FLT1: variants seen among roughly 807,000 people sequenced by gnomAD.
FLT1 encodes fms related receptor tyrosine kinase 1, also known as vascular endothelial growth factor receptor 1.
In FLT1, 49 loss-of-function variants were observed where a neutral mutation model predicts 156.3. The observed-to-expected ratio is 0.31, with a 90% CI of 0.25 to 0.40. The LOEUF is 0.40. Ranked by LOEUF, FLT1 falls within the 10% of genes least tolerant of loss-of-function variation. The pLI, the probability that FLT1 is intolerant of heterozygous loss-of-function variation, is 1.00. For missense variants in FLT1, 1,322 were observed against 1,637.2 expected, an observed-to-expected ratio of 0.81 and a Z score of 3.32; for synonymous variants, 594 against 583.8, an observed-to-expected ratio of 1.02 and a Z score of -0.25.
rs1157026904 is a variant in FLT1, at chr13:28,322,040, C to T, written c.3051+222G>A. On this transcript the variant is annotated intron_variant, in intron 22 of 29. Transcript: ENST00000282397. This position sits in a 1 kb window ranked among gnomAD's most constrained non-coding sequence, Gnocchi z 4.3. ...AGAGCCGATGCCAGGTTTGTCTAGT[C>T]TGAAACCTGTGAGTTTTCCCCAGAA... 6.6e-6 allele frequency among the ~76,000 whole-genome samples: 1 copy of T among 152,352 alleles called. No homozygotes were observed. The highest frequency in any genetic ancestry group is 1.5e-5 in the Non-Finnish European group (1 of 68,036).
At chr13:28,433,780 T>C in intron 6 of FLT1, 39 bp downstream of exon 6, 1 of 1,602,666 alleles carries the variant, frequency 6.2e-7, no homozygotes, top group Non-Finnish European at 8.5e-7. Flanking sequence ...TTGCTTAAAA[T>C]ACTGTCCTGC....
At chr13:28,444,547 C>T (rs2137572853) in intron 3 of FLT1, among the ~76,000 whole-genome samples, 1 of 152,316 alleles carries the variant, frequency 6.6e-6, no homozygotes, top group African/African-American at 2.4e-5. Flanking sequence ...TAGAACACTT[C>T]ACCCATCACA....
chr13:28,422,490 G>A (rs2137530558), intron 10 of FLT1, among the ~76,000 whole-genome samples: 1 of 152,298 alleles, frequency 6.6e-6, no homozygotes, highest in East Asian at 1.9e-4. Context: ...AGTAATCAAA[G>A]GCTGCAGGCA....
At chr13:28,493,527 T>C (rs1424688894) in intron 1 of FLT1, among the ~76,000 whole-genome samples, 1 of 152,226 alleles carries the variant, frequency 6.6e-6, no homozygotes, top group African/African-American at 2.4e-5. Flanking sequence ...TTTTTGTTGT[T>C]GTTGTTGTTG....
intron 4 of FLT1, among the ~76,000 whole-genome samples, chr13:28,436,965 T>TGGCA (rs1878061422): frequency 6.6e-6 from 1 of 152,196 alleles, no homozygotes; most frequent in Admixed American, 6.5e-5. Flanking sequence ...GCAGGCAATG[T>TGGCA]GGCACCAGCC....
At chr13:28,410,062 T>A (rs1876059379) in intron 10 of FLT1, among the ~76,000 whole-genome samples, 1 of 152,240 alleles carries the variant, frequency 6.6e-6, no homozygotes, top group South Asian at 2.1e-4. Flanking sequence ...CATTCACCTT[T>A]ACAAATCCAA....
At chr13:28,422,912 G>T (rs1392457771) in intron 10 of FLT1, among the ~76,000 whole-genome samples, 2 of 152,042 alleles carry the variant, frequency 1.3e-5, no homozygotes, top group African/African-American at 4.8e-5. Flanking sequence ...CACAGAGAAG[G>T]TCCCCTTCCC....
chr13:28,452,392 T>A (rs1021901091), intron 3 of FLT1, among the ~76,000 whole-genome samples: 2 of 152,130 alleles, frequency 1.3e-5, no homozygotes, highest in Non-Finnish European at 2.9e-5. Context: ...AATGAGATGA[T>A]GTATGTATTA....
At chr13:28,306,391 G>GT (rs1566276962) in intron 29 of FLT1, among the ~76,000 whole-genome samples, 1 of 152,184 alleles carries the variant, frequency 6.6e-6, no homozygotes, top group East Asian at 1.9e-4. Flanking sequence ...CCACGCATAG[G>GT]TGGGCACATC....
chr13:28,417,327 T>C (rs1481301437), intron 10 of FLT1, among the ~76,000 whole-genome samples: 1 of 152,218 alleles, frequency 6.6e-6, no homozygotes, highest in African/African-American at 2.4e-5. Context: ...TGTTACTGCA[T>C]CACATCTTTG....
At chr13:28,442,170 C>A (rs1040365054) in intron 3 of FLT1, among the ~76,000 whole-genome samples, 1 of 152,196 alleles carries the variant, frequency 6.6e-6, no homozygotes, top group African/African-American at 2.4e-5. Flanking sequence ...GCTAGACATT[C>A]AGCCATGGAC....
intron 4 of FLT1, 111 bp downstream of exon 4, chr13:28,438,110 G>T: frequency 1.9e-6 from 2 of 1,077,890 alleles, no homozygotes; most frequent in Non-Finnish European, 2.8e-6. Flanking sequence ...AAAGTCCACT[G>T]AGAAGCCCAG....
At chr13:28,387,713 T>C (rs1874447659) in intron 13 of FLT1, 5 of 1,050,944 alleles carry the variant, frequency 4.8e-6, no homozygotes, top group Non-Finnish European at 5.7e-6. Flanking sequence ...CTTTTTTTTT[T>C]CTCCCCCCTC....
chr13:28,398,184 A>G (rs932140747), intron 11 of FLT1, among the ~76,000 whole-genome samples: 1 of 152,252 alleles, frequency 6.6e-6, no homozygotes, highest in African/African-American at 2.4e-5. Context: ...AAGTTAGTCC[A>G]GTTACTTATA....
intron 12 of FLT1, among the ~76,000 whole-genome samples, chr13:28,394,290 C>T (rs1874911777): frequency 6.6e-6 from 1 of 152,154 alleles, no homozygotes; most frequent in South Asian, 2.1e-4. Flanking sequence ...AAAGTTAAAG[C>T]TCTTGGATTT....
intron 10 of FLT1, among the ~76,000 whole-genome samples, chr13:28,413,545 T>C (rs1461351734): frequency 1.3e-5 from 2 of 152,150 alleles, no homozygotes; most frequent in African/African-American, 4.8e-5. Flanking sequence ...ATTTTGTTCA[T>C]TCACTTTTCT....
chr13:28,405,941 A>T, intron 10 of FLT1, 47 bp from the exon 11 acceptor site: 1 of 938,804 alleles, frequency 1.1e-6, no homozygotes, highest in Non-Finnish European at 1.7e-6. Flanking sequence ...AGCATGGTTC[A>T]GTCAATGGGG....
intron 10 of FLT1, among the ~76,000 whole-genome samples, chr13:28,416,225 C>T (rs1876640218): frequency 6.6e-6 from 1 of 152,184 alleles, no homozygotes; most frequent in Non-Finnish European, 1.5e-5. Flanking sequence ...CAATGGATGC[C>T]AGTAGGTGGC....
At chr13:28,359,372 T>C (rs984877460) in intron 14 of FLT1, among the ~76,000 whole-genome samples, 4 of 152,254 alleles carry the variant, frequency 2.6e-5, no homozygotes, top group Non-Finnish European at 4.4e-5. Flanking sequence ...TCATCCCTTA[T>C]ATAAAAATGA....
Sources: allele counts gnomAD v4.1 joint callset (sites outside exome capture counted in the v4.1 genomes callset), GRCh38; gene constraint gnomAD v4.1.1; non-coding constraint Gnocchi (gnomAD v3.1); transcripts MANE v1.5; gene names NCBI Gene and HGNC (gene_info 2026-07-23, HGNC 2026-07-21).